Variants in SPATA18 observed in about 807,000 individuals in gnomAD.
The protein encoded by SPATA18 is spermatogenesis associated 18.
A neutral mutation model predicts 68.1 loss-of-function variants in SPATA18; 54 were observed. The ratio of observed to expected loss-of-function variants is 0.79; its 90% CI spans 0.64 to 0.99. SPATA18 has a LOEUF of 0.99. Among genes scored for constraint, SPATA18 ranks in the 50% least tolerant of loss-of-function variants. SPATA18 has a pLI of 0.00. For missense variants in SPATA18, 724 were observed against 681.1 expected, an observed-to-expected ratio of 1.06 and a Z score of -0.70; for synonymous variants, 242 against 244.8, an observed-to-expected ratio of 0.99 and a Z score of 0.11.
chr4:52,096,210 C>G lies in SPATA18; in HGVS notation c.*1323C>G, dbSNP rs1156593449. ...TGAAGTATGAGTTGAATTTTTTGCC[C>G]TCTTTGCATATTTACATTAGTCATC... On this transcript the variant is annotated 3_prime_UTR_variant, in exon 13 of 13. Coordinates refer to ENST00000295213, the MANE Select transcript of SPATA18 (RefSeq NM_145263.4). 1 of 152,156 alleles carries G rather than the reference C, an allele frequency of 6.6e-6. No homozygotes were observed. Among genetic ancestry groups the G allele is most frequent in the Non-Finnish European group, 1.5e-5 (1 of 68,054 alleles). The allele number at this position is 152,156 out of a possible 1,614,324, so 9.4% of individuals were successfully genotyped here.
At chr4:52,062,766 T>G (rs965617302) in intron 4 of SPATA18, among the ~76,000 whole-genome samples, 1 of 152,204 alleles carries the variant, frequency 6.6e-6, no homozygotes, top group African/African-American at 2.4e-5. Flanking sequence ...AAAAGTCAAA[T>G]GAAGCAGGCT....
chr4:52,080,357 A>C (rs2109494649), intron 9 of SPATA18, among the ~76,000 whole-genome samples: 1 of 152,280 alleles, frequency 6.6e-6, no homozygotes, highest in Non-Finnish European at 1.5e-5. Flanking sequence ...AGGGCTCAGG[A>C]ATCTGCAATT....
intron 7 of SPATA18, among the ~76,000 whole-genome samples, chr4:52,077,299 C>G (rs866270912): frequency 1.4e-5 from 2 of 141,928 alleles, no homozygotes; most frequent in Admixed American, 7.1e-5. Flanking sequence ...TGTTTCTTCC[C>G]GTCTCTCTCC....
chr4:52,085,003 C>T lies in SPATA18; in HGVS notation c.1563+4C>T. 6.2e-7 allele frequency: 1 copy of T among 1,602,568 alleles called. No individual in the cohort carries two copies. The highest frequency in any genetic ancestry group is 8.5e-7 in the Non-Finnish European group (1 of 1,171,774). On this transcript the variant is annotated splice_donor_region_variant and intron_variant, in intron 11 of 12. Coordinates refer to ENST00000295213, the MANE Select transcript of SPATA18 (RefSeq NM_145263.4). ...TAGCCAAATTGGTTTAAACACGGTACATATCTATCTAATCATTTTTACACA... is the reference window on the plus strand; with the variant it reads ...TAGCCAAATTGGTTTAAACACGGTATATATCTATCTAATCATTTTTACACA...
At chr4:52,076,569 T>A (rs539006883) in intron 6 of SPATA18, among the ~76,000 whole-genome samples, 4 of 152,280 alleles carry the variant, frequency 2.6e-5, no homozygotes, top group Admixed American at 2.6e-4. Context: ...TCTGGAGATG[T>A]ATAGAAATTC....
At chr4:52,065,855 G>A (rs1383027727) in intron 4 of SPATA18, among the ~76,000 whole-genome samples, 2 of 152,206 alleles carry the variant, frequency 1.3e-5, no homozygotes, top group African/African-American at 4.8e-5. Context: ...GAACCCCCAA[G>A]CAAGGGAAGA....
intron 6 of SPATA18, 114 bp downstream of exon 6, chr4:52,072,270 A>C (rs933348574): frequency 3.9e-5 from 58 of 1,470,204 alleles, no homozygotes; most frequent in Middle Eastern, 1.8e-4. Context: ...AAACCTCAGC[A>C]ATCTGCCAAG....
At chr4:52,091,923 G>T (rs912376653) in intron 11 of SPATA18, among the ~76,000 whole-genome samples, 2 of 152,170 alleles carry the variant, frequency 1.3e-5, no homozygotes, top group African/African-American at 4.8e-5. Context: ...GGAGCAATCT[G>T]CCAGTCTGGC....
chr4:52,067,089 A>G (rs1189832431), intron 4 of SPATA18, among the ~76,000 whole-genome samples: 1 of 152,206 alleles, frequency 6.6e-6, no homozygotes, highest in Non-Finnish European at 1.5e-5. Context: ...GTGTTTCACA[A>G]TGGTTGAACT....
chr4:52,068,163 T>C (rs1739467895), intron 4 of SPATA18, among the ~76,000 whole-genome samples: 2 of 152,206 alleles, frequency 1.3e-5, no homozygotes, highest in Non-Finnish European at 2.9e-5. Context: ...CAGTTCATTT[T>C]CTCTTGATAA....
At chr4:52,084,895 T>G in intron 10 of SPATA18, 21 bp from the exon 11 acceptor site, 1 of 1,612,848 alleles carries the variant, frequency 6.2e-7, no homozygotes, top group Non-Finnish European at 8.5e-7. Flanking sequence ...TATGTCTCTC[T>G]CTTTCTCTCT....
chr4:52,071,542 G>T (rs1327735686), intron 5 of SPATA18, among the ~76,000 whole-genome samples: 1 of 152,190 alleles, frequency 6.6e-6, no homozygotes, highest in Non-Finnish European at 1.5e-5. Flanking sequence ...GAGGGTAGGA[G>T]ATTGTATTTT....
intron 6 of SPATA18, among the ~76,000 whole-genome samples, chr4:52,075,867 T>C (rs1740293818): frequency 6.6e-6 from 1 of 152,202 alleles, no homozygotes; most frequent in East Asian, 1.9e-4. Flanking sequence ...GCGTGACCTT[T>C]CTTCATGGGA....
intron 1 of SPATA18, among the ~76,000 whole-genome samples, chr4:52,055,835 G>A (rs145130994): frequency 2.6e-3 from 389 of 152,194 alleles, no homozygotes; most frequent in Non-Finnish European, 3.6e-3. Context: ...ATAGTAAGTA[G>A]CATGTGTTTT....
chr4:52,068,586 G>A lies in SPATA18; in HGVS notation c.423-1235G>A, dbSNP rs111881161. 9.8e-4 allele frequency among the ~76,000 whole-genome samples: 149 copies of A among 152,312 alleles called. 1 individual carries two copies. Among genetic ancestry groups the A allele is most frequent in the African/African-American group, 3.2e-3 (133 of 41,586 alleles). On this transcript the variant is annotated intron_variant, in intron 4 of 12. Coordinates refer to ENST00000295213, the MANE Select transcript of SPATA18 (RefSeq NM_145263.4). ...AATTTTCGGTGTCTGGTTAGGATCT[G>A]TGGGATTGACAGGGATGCTGTTAGC... is the stretch of plus-strand genomic sequence containing the variant.
chr4:52,082,320 A>T (rs1359139009), intron 9 of SPATA18, 67 bp from the exon 10 acceptor site: 3 of 1,416,396 alleles, frequency 2.1e-6, no homozygotes, highest in Non-Finnish European at 3.0e-6. Flanking sequence ...ATTCACACTG[A>T]TGTTTTCCCC....
Position 52,076,870 on chromosome 4 carries a change from A to G in SPATA18, c.850A>G (p.Arg284Gly). Reference sequence around the variant, plus strand: ...CAGCCCCTCCACCGCTGTCAAGGTCAGGAGACCGTCCCCAAACCGCTCCAA... The same window carrying G: ...CAGCCCCTCCACCGCTGTCAAGGTCGGGAGACCGTCCCCAAACCGCTCCAA... The part of the protein sequence containing the change: ...SASPSTAVKV[R>G]RPSPNRSKLS... Residue 284 changes from arginine to glycine, a missense_variant, in exon 7 of 13, where the codon AGG becomes GGG. Arg to Gly is a moderately radical substitution (Grantham distance 125, BLOSUM62 -2). Coordinates refer to ENST00000295213, the MANE Select transcript of SPATA18 (RefSeq NM_145263.4). 2 of 1,614,216 alleles carry G rather than the reference A, an allele frequency of 1.2e-6. No homozygotes were observed. The highest frequency in any genetic ancestry group is 1.7e-6 in the Non-Finnish European group (2 of 1,180,024).
intron 3 of SPATA18, among the ~76,000 whole-genome samples, chr4:52,061,949 A>G (rs1381178292): frequency 2.0e-5 from 3 of 152,172 alleles, no homozygotes; most frequent in Non-Finnish European, 4.4e-5. Context: ...ATAGATTGCT[A>G]TTTCAGCAAA....
chr4:52,083,619 C>A, intron 10 of SPATA18: 1 of 316,194 alleles, frequency 3.2e-6, no homozygotes, highest in Non-Finnish European at 4.6e-6. Context: ...GTGGTGCATA[C>A]CTGTAGTACC....
Sources: allele counts gnomAD v4.1 joint callset (sites outside exome capture counted in the v4.1 genomes callset), GRCh38; gene constraint gnomAD v4.1.1; transcripts MANE v1.5; gene names NCBI Gene and HGNC (gene_info 2026-07-23, HGNC 2026-07-21).